Variants in GK observed in about 807,000 individuals in gnomAD.
GK encodes the protein glycerol kinase.
GK carries 9 observed loss-of-function variants against 56.4 expected under a neutral mutation model. That is an observed-to-expected ratio of 0.16 (90% CI 0.10 to 0.28). The LOEUF is 0.28. Among genes scored for constraint, GK ranks in the 10% least tolerant of loss-of-function variants. The pLI, the probability that GK is intolerant of heterozygous loss-of-function variation, is 1.00. For synonymous variants in GK, 104 were observed against 144.1 expected (o/e 0.72, Z 1.99); for missense variants, 161 against 431.4 (o/e 0.37, Z 5.55).
At chrX:30,677,834 A>AAG (rs1936096979) in intron 4 of GK, among the ~76,000 whole-genome samples, 1 of 109,613 alleles carries the variant, frequency 9.1e-6, no homozygotes, top group East Asian at 2.9e-4. Context: ...CAAAAAAAAA[A>AAG]AAAGAAAGAA....
At chrX:30,695,933 A>G (rs1048163725) in intron 6 of GK, 109 bp from the exon 7 acceptor site, 3 of 519,181 alleles carry the variant, frequency 5.8e-6, no homozygotes, top group Non-Finnish European at 1.0e-5. Context: ...AAAAAAATGT[A>G]ATGTTCCGTT....
At chrX:30,718,425 C>T (rs910264837) in intron 13 of GK, 113 bp from the exon 14 acceptor site, 1 of 530,975 alleles carries the variant, frequency 1.9e-6, no homozygotes, top group African/African-American at 2.3e-5. Flanking sequence ...GTCGGAGTCT[C>T]AAAATGGAAA....
chrX:30,695,406 T>C (rs1184516895), intron 6 of GK, among the ~76,000 whole-genome samples: 1 of 112,330 alleles, frequency 8.9e-6, no homozygotes, highest in African/African-American at 3.2e-5. Flanking sequence ...TGCAGGAGAC[T>C]CAAGGGAGCA....
At chrX:30,675,397 C>A (rs911335936) in intron 3 of GK, among the ~76,000 whole-genome samples, 1 of 108,191 alleles carries the variant, frequency 9.2e-6, no homozygotes. Flanking sequence ...TGGGGTTTCA[C>A]CGTGTTAGCC....
intron 1 of GK, among the ~76,000 whole-genome samples, chrX:30,662,835 T>TCTCTCTC (rs1569141144): frequency 1.9e-4 from 6 of 31,418 alleles, no homozygotes; most frequent in Non-Finnish European, 2.6e-4. Context: ...CTCTCTCTCT[T>TCTCTCTC]TCTTTCTTTC....
intron 11 of GK, among the ~76,000 whole-genome samples, chrX:30,703,086 A>C (rs1433725690): frequency 8.9e-6 from 1 of 112,313 alleles, no homozygotes; most frequent in Non-Finnish European, 1.9e-5. Flanking sequence ...AAAAGTCACA[A>C]AAGATTATCT....
intron 16 of GK, 71 bp from the exon 17 acceptor site, chrX:30,720,550 G>A: frequency 1.0e-6 from 1 of 971,102 alleles, no homozygotes; most frequent in Non-Finnish European, 1.5e-6. Flanking sequence ...GTTTCTGAGT[G>A]GAGGATTGCC....
chrX:30,696,432 T>C (rs889498969), intron 7 of GK, among the ~76,000 whole-genome samples, 185 bp from the exon 8 acceptor site: 3 of 112,588 alleles, frequency 2.7e-5, no homozygotes, highest in Admixed American at 9.4e-5. Flanking sequence ...TGCATAAAGT[T>C]AGAATGTTAA....
intron 1 of GK, 60 bp downstream of exon 1, chrX:30,653,675 G>C (rs747959680): frequency 2.0e-6 from 2 of 1,005,707 alleles, no homozygotes; most frequent in Admixed American, 2.2e-5. Context: ...GGGGACGGAG[G>C]GGGTGGCTGT....
chrX:30,672,279 A>T (rs1933581384), intron 3 of GK: 1 of 109,917 alleles, frequency 9.1e-6, no homozygotes, highest in Non-Finnish European at 1.9e-5. Flanking sequence ...ATTATCTTGT[A>T]TCTAAAACAA....
intron 3 of GK, among the ~76,000 whole-genome samples, chrX:30,668,720 G>A (rs754376247): frequency 8.9e-6 from 1 of 111,783 alleles, no homozygotes; most frequent in East Asian, 2.8e-4. Context: ...AGTATCATAG[G>A]GAGCCATGAG....
intron 8 of GK, among the ~76,000 whole-genome samples, chrX:30,697,214 C>T (rs1935292862): frequency 8.9e-6 from 1 of 112,204 alleles, no homozygotes; most frequent in East Asian, 2.8e-4. Context: ...CCAGTAAAGA[C>T]ATAGCTTCAG....
chrX:30,683,064 A>G lies in GK; in HGVS notation c.337+5612A>G, dbSNP rs150823313. The stretch of plus-strand genomic sequence containing the variant: ...ATACGAATTTGGAAGAGACACATAC[A>G]TTCAGTCCATAGCATTCTCTTTGTA... On this transcript the variant is annotated intron_variant, in intron 4 of 20. Coordinates refer to ENST00000427190, the MANE Select transcript of GK (RefSeq NM_001205019.2). Among the ~76,000 whole-genome samples the G allele has an allele frequency of 6.3e-5, 7 of 111,241 alleles. No homozygotes were observed. In the Admixed American group the frequency reaches 6.7e-4, roughly 11 times the overall value.
rs771757650 is a variant in GK, at chrX:30,694,048, G to A, written c.415-352G>A. Reference sequence around the variant, plus strand: ...TAATAGTTTAAATGTCATTTTTATGGAATATAAAATAAACAGCATAGTTTT... The same window carrying A: ...TAATAGTTTAAATGTCATTTTTATGAAATATAAAATAAACAGCATAGTTTT... On this transcript the variant is annotated intron_variant, in intron 5 of 20. Coordinates refer to ENST00000427190, the MANE Select transcript of GK (RefSeq NM_001205019.2). 6.3e-5 allele frequency among the ~76,000 whole-genome samples: 7 copies of A among 111,666 alleles called. No homozygotes were observed. In the East Asian group the frequency reaches 2.0e-3, roughly 31 times the overall value.
chrX:30,668,104 T>G lies in GK; in HGVS notation c.245T>G (p.Ile82Ser), dbSNP rs1326921863. 1 of 995,902 alleles carries G rather than the reference T, an allele frequency of 1.0e-6. No homozygotes were observed. Among genetic ancestry groups the G allele is most frequent in the Admixed American group, 2.2e-5 (1 of 45,508 alleles). The allele number at this position is 995,902 out of a possible 1,213,427, so 82.1% of individuals were successfully genotyped here. The change falls in exon 3 of 21, where the codon ATT (isoleucine) becomes AGT (serine). Residue 82 changes from isoleucine to serine, a missense_variant. Physicochemically the swap from Ile to Ser is moderately radical, Grantham distance 142 (BLOSUM62 -2). Coordinates refer to ENST00000427190, the MANE Select transcript of GK (RefSeq NM_001205019.2). ...CEKLGQLNID[I>S]SNIKAIGVSN... Reference sequence around the variant, plus strand: ...AAACTTGGACAGCTCAATATTGATATTTCCAACATAAAAGGTATTTTAGTA... The same window carrying G: ...AAACTTGGACAGCTCAATATTGATAGTTCCAACATAAAAGGTATTTTAGTA...
rs73208227 is a variant in GK, at chrX:30,692,777, T to C, written c.414+1578T>C. The stretch of plus-strand genomic sequence containing the variant: ...GCCCGGCCTCCTTCCATTATTTTTG[T>C]GCATTGATTTTTTTTTTTTAAAGAA... On this transcript the variant is annotated intron_variant, in intron 5 of 20. Coordinates refer to ENST00000427190, the MANE Select transcript of GK (RefSeq NM_001205019.2). Among the ~76,000 whole-genome samples the C allele has an allele frequency of 2.5e-3, 269 of 109,248 alleles. 2 individuals are homozygous for C. The highest frequency in any genetic ancestry group is 4.1e-3 in the Non-Finnish European group (214 of 52,629). The allele number at this position is 109,248 out of a possible 115,157, so 94.9% of individuals were successfully genotyped here.
chrX:30,693,604 A>G (rs1010405178), intron 5 of GK, among the ~76,000 whole-genome samples: 2 of 110,698 alleles, frequency 1.8e-5, no homozygotes, highest in Non-Finnish European at 3.8e-5. Context: ...GCTGGAGTGC[A>G]GTGGTGCAAT....
chrX:30,685,029 G>C, intron 4 of GK, among the ~76,000 whole-genome samples: 1 of 112,280 alleles, frequency 8.9e-6, no homozygotes, highest in Non-Finnish European at 1.9e-5. Context: ...TCTGGAACTG[G>C]CTTATGTTTC....
intron 13 of GK, among the ~76,000 whole-genome samples, chrX:30,717,646 G>T (rs1292474601): frequency 1.8e-5 from 2 of 111,958 alleles, no homozygotes; most frequent in African/African-American, 6.5e-5. Flanking sequence ...GTTGTAGCAT[G>T]TATTAAGACA....
Sources: allele counts gnomAD v4.1 joint callset (sites outside exome capture counted in the v4.1 genomes callset), GRCh38; gene constraint gnomAD v4.1.1; transcripts MANE v1.5; gene names NCBI Gene and HGNC (gene_info 2026-07-23, HGNC 2026-07-21).